Variants in DIAPH1 observed in about 807,000 individuals in gnomAD.
DIAPH1 encodes protein diaphanous homolog 1.
In DIAPH1, 46 loss-of-function variants were observed where a neutral mutation model predicts 140.7. The observed-to-expected ratio is 0.33, with a 90% CI of 0.26 to 0.42. The LOEUF is 0.42. Among genes scored for constraint, DIAPH1 ranks in the 10% least tolerant of loss-of-function variants. The pLI is 1.00. For synonymous variants in DIAPH1, 565 were observed against 551.6 expected (o/e 1.02, Z -0.34); for missense variants, 1,310 against 1,558.7 (o/e 0.84, Z 2.69).
chr5:141,592,514 CAACAACA>C (rs1487608947), intron 1 of DIAPH1, among the ~76,000 whole-genome samples: 1 of 137,368 alleles, frequency 7.3e-6, no homozygotes, highest in Non-Finnish European at 1.6e-5. Flanking sequence ...ACAACAACAA[CAACAACA>C]AAAACACAGG....
At chr5:141,607,144 C>T (rs1235784747) in intron 1 of DIAPH1, among the ~76,000 whole-genome samples, 1 of 152,078 alleles carries the variant, frequency 6.6e-6, no homozygotes, top group Non-Finnish European at 1.5e-5. Context: ...AAGATATAAA[C>T]ATATATTTTT....
chr5:141,555,398 C>T (rs1468268035), intron 18 of DIAPH1, among the ~76,000 whole-genome samples: 1 of 152,196 alleles, frequency 6.6e-6, no homozygotes, highest in Non-Finnish European at 1.5e-5. Context: ...CCACTGACAA[C>T]CAGCAGTAAA....
At chr5:141,598,791 T>C (rs147083255) in intron 1 of DIAPH1, among the ~76,000 whole-genome samples, 4 of 152,356 alleles carry the variant, frequency 2.6e-5, no homozygotes, top group African/African-American at 9.6e-5. Flanking sequence ...CCCTGATTAA[T>C]TATTATCAGA....
chr5:141,528,664 C>T, intron 22 of DIAPH1, 38 bp downstream of exon 22: 1 of 1,614,254 alleles, frequency 6.2e-7, no homozygotes, highest in African/African-American at 1.3e-5. Context: ...GAGGCTACAG[C>T]CTTCCTTGTG....
At chr5:141,581,074 T>C (rs1308039308) in intron 7 of DIAPH1, among the ~76,000 whole-genome samples, 191 bp from the exon 8 acceptor site, 1 of 152,188 alleles carries the variant, frequency 6.6e-6, no homozygotes, top group East Asian at 1.9e-4. Context: ...CAAGCTACAA[T>C]GAAGTCCTGC....
intron 1 of DIAPH1, among the ~76,000 whole-genome samples, chr5:141,594,352 T>TAACTA (rs1440331327): frequency 6.6e-6 from 1 of 152,098 alleles, no homozygotes; most frequent in African/African-American, 2.4e-5. Flanking sequence ...GGTGAACAGG[T>TAACTA]AACTAAACCA....
intron 27 of DIAPH1, among the ~76,000 whole-genome samples, chr5:141,521,780 C>A (rs1199994780): frequency 6.6e-6 from 1 of 152,090 alleles, no homozygotes; most frequent in African/African-American, 2.4e-5. Context: ...CATAGAGAAA[C>A]CTATAGCCAG....
At chr5:141,586,916 A>C in intron 3 of DIAPH1, 126 bp downstream of exon 3, 1 of 989,816 alleles carries the variant, frequency 1.0e-6, no homozygotes, top group Non-Finnish European at 1.6e-6. Context: ...GTTAATATTA[A>C]AAAGTTCCAT....
chr5:141,583,295 G>A lies in DIAPH1; in HGVS notation c.534-3C>T, dbSNP rs780209744. 1.2e-6 allele frequency: 2 copies of A among 1,613,866 alleles called. No homozygotes were observed. The highest frequency in any genetic ancestry group is 4.5e-5 in the East Asian group (2 of 44,902). On this transcript the variant is annotated splice_polypyrimidine_tract_variant and splice_region_variant and intron_variant, in intron 5 of 27. Coordinates refer to ENST00000389054, the MANE Select transcript of DIAPH1 (RefSeq NM_005219.5). ...CAGCACCAAATGTTTGCACCCAACT[G>A]TAAGGAACAGAGAGAGGCAATGCAA...
At position 141,524,351 on chromosome 5, in the gene DIAPH1, TAAG is replaced by T. The variant is rs1214334245; in HGVS notation, c.3575-125_3575-123del. 4.1e-5 allele frequency: 37 copies of T among 897,570 alleles called. No individual in the cohort carries two copies. The African/African-American group carries it at 5.7e-4, about 14-fold the overall frequency. The allele number at this position is 897,570 out of a possible 1,614,324, so 55.6% of individuals were successfully genotyped here. A position where few individuals can be genotyped will look rare whatever the true frequency, so the allele number is the denominator to read the frequency against. On this transcript the variant is annotated intron_variant, in intron 26 of 27. Coordinates refer to ENST00000389054, the MANE Select transcript of DIAPH1 (RefSeq NM_005219.5). The stretch of plus-strand genomic sequence containing the variant: ...CCCCTCTCCCACAGCAGCTGGCAGC[TAAG>T]AAGAGGCAAAGAGAGCTCAGCCTTA...
intron 15 of DIAPH1, 150 bp downstream of exon 15, chr5:141,574,817 A>C (rs2099895722): frequency 1.2e-5 from 10 of 816,330 alleles, no homozygotes; most frequent in Non-Finnish European, 1.8e-5. Context: ...CAAACCAAAA[A>C]CCAGTATATT....
Position 141,618,848 on chromosome 5 carries a change from G to A in DIAPH1, c.67C>T (p.Pro23Ser). ...CCGCCCGCCGAGGGCAGCTCATCTG[G>A]GCTCCGGCCCTTCTTCTTGTCCCGG... ...GTRDKKKGRS[P>S]DELPSAGGDG... Residue 23 changes from proline to serine, a missense_variant, in exon 1 of 28, where the codon CCA becomes TCA. This residue lies in a region of DIAPH1 where 377 missense variants were observed against 497.1 expected (regional missense o/e 0.76). Transcript: ENST00000389054. 1 of 1,540,746 alleles carries A rather than the reference G, an allele frequency of 6.5e-7. No individual in the cohort carries two copies. Among genetic ancestry groups the A allele is most frequent in the East Asian group, 2.5e-5 (1 of 39,272 alleles).
At chr5:141,556,282 C>T (rs2099892566) in intron 18 of DIAPH1, among the ~76,000 whole-genome samples, 1 of 151,856 alleles carries the variant, frequency 6.6e-6, no homozygotes, top group Non-Finnish European at 1.5e-5. Context: ...TTGAGTCTTA[C>T]CAGGGAGAAA....
intron 18 of DIAPH1, among the ~76,000 whole-genome samples, chr5:141,550,038 A>T (rs933528798): frequency 2.6e-5 from 4 of 152,198 alleles, no homozygotes; most frequent in African/African-American, 9.6e-5. Context: ...ATACCAGGCA[A>T]ATTCTAACTA....
At chr5:141,540,322 G>T (rs1417226424) in intron 18 of DIAPH1, among the ~76,000 whole-genome samples, 1 of 150,134 alleles carries the variant, frequency 6.7e-6, no homozygotes, top group Non-Finnish European at 1.5e-5. Flanking sequence ...TCGCTATATC[G>T]CCCAGGCTAG....
chr5:141,600,904 C>T (rs766124061), intron 1 of DIAPH1, among the ~76,000 whole-genome samples: 5 of 152,204 alleles, frequency 3.3e-5, no homozygotes, highest in African/African-American at 9.7e-5. Context: ...ACTAGAACTG[C>T]CTTTTTTTTC....
intron 1 of DIAPH1, among the ~76,000 whole-genome samples, chr5:141,605,025 A>G (rs1372101977): frequency 2.0e-5 from 3 of 152,202 alleles, no homozygotes. Context: ...ACAGAATTTC[A>G]TGCCAAAGTA....
rs568635165 is a variant in DIAPH1 at position 141,595,974 on chromosome 5, A to G, written c.118-7724T>C. Among the ~76,000 whole-genome samples, 7 of 152,122 alleles carry G rather than the reference A, an allele frequency of 4.6e-5. No individual in the cohort carries two copies. The South Asian group carries it at 1.5e-3, about 32-fold the overall frequency. ...TGAGGCAGGTAGATGGCTTGGGCCC[A>G]GGAGTTGGAGACCAGCCTGGGCAAC... On this transcript the variant is annotated intron_variant, in intron 1 of 27. Coordinates refer to ENST00000389054, the MANE Select transcript of DIAPH1 (RefSeq NM_005219.5).
intron 1 of DIAPH1, among the ~76,000 whole-genome samples, chr5:141,591,353 A>G (rs2099898369): frequency 6.6e-6 from 1 of 151,828 alleles, no homozygotes; most frequent in Non-Finnish European, 1.5e-5. Context: ...TCCTCTACCC[A>G]TTTCCAGACT....
Sources: gnomAD v4.1 joint callset for allele counts (sites outside exome capture counted in the v4.1 genomes callset) on GRCh38, gnomAD v4.1.1 for gene constraint, gnomAD v4.1.1 regional missense constraint, MANE v1.5 for transcripts, NCBI Gene and HGNC (gene_info 2026-07-23, HGNC 2026-07-21) for gene names.